KAZN: variants seen among roughly 807,000 people sequenced by gnomAD.
KAZN encodes kazrin, periplakin interacting protein, also known as kazrin.
In KAZN, 40 loss-of-function variants were observed where a neutral mutation model predicts 87.4. The observed-to-expected ratio is 0.46, with a 90% confidence interval of 0.36 to 0.60. KAZN has a LOEUF of 0.60. Among genes scored for constraint, KAZN ranks in the 20% least tolerant of loss-of-function variants. The probability of loss-of-function intolerance (pLI) is 0.00; values close to 1 mark genes in which losing one functional copy is unlikely to be tolerated. For missense variants in KAZN, 898 were observed against 1,073.9 expected, an observed-to-expected ratio of 0.84 and a Z score of 2.29; for synonymous variants, 466 against 458.3, an observed-to-expected ratio of 1.02 and a Z score of -0.22.
intron 1 of KAZN, among the ~76,000 whole-genome samples, chr1:14,800,602 G>T (rs943314329): frequency 1.3e-5 from 2 of 152,164 alleles, no homozygotes; most frequent in Non-Finnish European, 2.9e-5. Context: ...TACTCTGGAG[G>T]CTAAGGTGGG....
At chr1:14,405,277 A>C (rs542645573) in intron 2 of KAZN, among the ~76,000 whole-genome samples, 7 of 152,310 alleles carry the variant, frequency 4.6e-5, no homozygotes, top group African/African-American at 1.7e-4. Context: ...AGCCTGTTTG[A>C]GTTCAAATGT....
intron 1 of KAZN, among the ~76,000 whole-genome samples, chr1:14,135,561 A>G (rs942640688): frequency 2.4e-4 from 36 of 152,346 alleles, no homozygotes; most frequent in African/African-American, 7.9e-4. Flanking sequence ...TTTAACAAGT[A>G]TCTCGAACGG....
rs977651784 is a variant in KAZN at position 14,483,028 on chromosome 1, T to C, written c.250-115955T>C. 1.4e-4 allele frequency among the ~76,000 whole-genome samples: 22 copies of C among 152,182 alleles called. 1 individual carries two copies. Among genetic ancestry groups the C allele is most frequent in the Admixed American group, 1.2e-3 (18 of 15,280 alleles). On this transcript the variant is annotated intron_variant, in intron 2 of 16. Transcript: ENST00000636203. ...TCCGAGACTTAAATGAATGAATATA[T>C]GCAAAGAGCTTTTCTAAGCTTTCCT...
intron 1 of KAZN, among the ~76,000 whole-genome samples, chr1:14,051,446 A>G (rs960068693): frequency 6.6e-6 from 1 of 152,096 alleles, no homozygotes; most frequent in Admixed American, 6.5e-5. Flanking sequence ...CTGCTCTCTT[A>G]AGGGTAAAGC....
At chr1:14,018,422 C>G (rs185227613) in intron 1 of KAZN, among the ~76,000 whole-genome samples, 2 of 152,246 alleles carry the variant, frequency 1.3e-5, no homozygotes, top group East Asian at 3.9e-4. Context: ...GATCTTCGCC[C>G]TTTTGGGAGA....
chr1:14,845,321 G>T (rs2100951224), intron 1 of KAZN, among the ~76,000 whole-genome samples: 1 of 150,832 alleles, frequency 6.6e-6, no homozygotes, highest in Admixed American at 6.6e-5. Context: ...AGGTAGGTAG[G>T]TGGATGGACG....
intron 1 of KAZN, among the ~76,000 whole-genome samples, chr1:14,895,274 G>A (rs934589195): frequency 3.3e-5 from 5 of 152,234 alleles, no homozygotes; most frequent in African/African-American, 1.2e-4. Flanking sequence ...CTCCCCTGCC[G>A]TGGCTTGCAT....
intron 3 of KAZN, among the ~76,000 whole-genome samples, chr1:15,037,367 C>A (rs921487360): frequency 2.6e-5 from 4 of 152,164 alleles, no homozygotes; most frequent in African/African-American, 9.7e-5. Context: ...CCTCCTGGGA[C>A]CAGGGTCACG....
intron 2 of KAZN, among the ~76,000 whole-genome samples, chr1:14,431,838 GGTT>G (rs756621063): frequency 6.6e-6 from 1 of 152,158 alleles, no homozygotes; most frequent in African/African-American, 2.4e-5. Context: ...TGTCTTCCCT[GGTT>G]TTGAAGCTTT....
chr1:14,808,560 AG>A (rs1646302710), intron 1 of KAZN, among the ~76,000 whole-genome samples: 1 of 151,944 alleles, frequency 6.6e-6, no homozygotes. Flanking sequence ...AGCCTCCTAA[AG>A]TGCTGGGATC....
chr1:15,040,809 A>AAAACAG (rs941980405), intron 3 of KAZN, among the ~76,000 whole-genome samples: 28 of 151,924 alleles, frequency 1.8e-4, no homozygotes, highest in African/African-American at 6.8e-4. Flanking sequence ...AAACAAACAA[A>AAAACAG]AAACAGAATG....
intron 1 of KAZN, among the ~76,000 whole-genome samples, chr1:14,740,199 G>T (rs1254775099): frequency 6.6e-6 from 1 of 152,130 alleles, no homozygotes; most frequent in African/African-American, 2.4e-5. Context: ...GACATCCCTG[G>T]AGCTCAGGGA....
intron 1 of KAZN, among the ~76,000 whole-genome samples, chr1:14,761,976 G>A (rs1644752885): frequency 6.7e-6 from 1 of 150,162 alleles, no homozygotes; most frequent in Non-Finnish European, 1.5e-5. Context: ...TGCATCCTGT[G>A]TGTGACGTGA....
chr1:14,779,799 C>T (rs1645280213), intron 1 of KAZN, among the ~76,000 whole-genome samples: 1 of 152,144 alleles, frequency 6.6e-6, no homozygotes, highest in African/African-American at 2.4e-5. Flanking sequence ...TTCTTGGCAG[C>T]TGATTTACCA....
intron 2 of KAZN, among the ~76,000 whole-genome samples, chr1:14,472,537 C>T (rs1478836682): frequency 1.3e-5 from 2 of 152,150 alleles, no homozygotes; most frequent in African/African-American, 4.8e-5. Flanking sequence ...AGTCACATGG[C>T]CACCCCATCT....
intron 1 of KAZN, among the ~76,000 whole-genome samples, chr1:14,902,143 G>C (rs1033990362): frequency 6.6e-6 from 1 of 152,190 alleles, no homozygotes; most frequent in African/African-American, 2.4e-5. Flanking sequence ...TTATGCAAGG[G>C]TGCTGGGAGC....
At chr1:14,375,223 C>T (rs1165729990) in intron 2 of KAZN, among the ~76,000 whole-genome samples, 6 of 152,138 alleles carry the variant, frequency 3.9e-5, no homozygotes, top group South Asian at 4.1e-4. Context: ...TAGCATCATA[C>T]ACACTTCAGA....
At chr1:14,587,361 G>A (rs545750673) in intron 2 of KAZN, among the ~76,000 whole-genome samples, 5 of 151,750 alleles carry the variant, frequency 3.3e-5, no homozygotes, top group South Asian at 2.1e-4. Flanking sequence ...GCTTTAACCC[G>A]GGAGGCAGAG....
intron 2 of KAZN, among the ~76,000 whole-genome samples, chr1:14,265,727 A>G (rs1414932903): frequency 6.6e-6 from 1 of 152,220 alleles, no homozygotes; most frequent in East Asian, 1.9e-4. Flanking sequence ...AGAATGATTA[A>G]GTAATTCATC....
Sources: gnomAD v4.1 joint callset for allele counts (sites outside exome capture counted in the v4.1 genomes callset) on GRCh38, gnomAD v4.1.1 for gene constraint, MANE v1.5 for transcripts, NCBI Gene and HGNC (gene_info 2026-07-23, HGNC 2026-07-21) for gene names.